The following GGT7 variants were observed in gnomAD, a reference collection of about 807,000 sequenced individuals.
GGT7 encodes gamma-glutamyltransferase 7, also known as glutathione hydrolase 7.
GGT7 carries 30 observed loss-of-function variants against 69.2 expected under a neutral mutation model. The ratio of observed to expected loss-of-function variants is 0.43; its 90% CI spans 0.32 to 0.59. The LOEUF (loss-of-function observed/expected upper bound fraction) is 0.59. Ranked by LOEUF, GGT7 falls within the 20% of genes least tolerant of loss-of-function variation. The pLI, the probability that GGT7 is intolerant of heterozygous loss-of-function variation, is 0.05. For missense variants in GGT7, 733 were observed against 901.1 expected (o/e 0.81, Z 2.39); for synonymous variants, 388 against 391.8 (o/e 0.99, Z 0.12).
At chr20:34,853,159 G>A (rs1378588880) in intron 10 of GGT7, among the ~76,000 whole-genome samples, 1 of 151,988 alleles carries the variant, frequency 6.6e-6, no homozygotes, top group Non-Finnish European at 1.5e-5. Flanking sequence ...TGGCCAGGCC[G>A]GTCTTGAACT....
chr20:34,846,370 T>G (rs2079307651), intron 14 of GGT7, among the ~76,000 whole-genome samples: 1 of 148,746 alleles, frequency 6.7e-6, no homozygotes, highest in Non-Finnish European at 1.5e-5. Flanking sequence ...ATGGCACGAT[T>G]TTGGCTCACC....
intron 10 of GGT7, 25 bp downstream of exon 10, chr20:34,854,506 C>G (rs750140214): frequency 7.0e-7 from 1 of 1,438,254 alleles, no homozygotes; most frequent in Non-Finnish European, 9.8e-7. Context: ...GCCTCTGTAG[C>G]CCCCAGGTCC....
chr20:34,852,612 G>A, intron 10 of GGT7, 74 bp from the exon 11 acceptor site: 1 of 1,392,082 alleles, frequency 7.2e-7, no homozygotes, highest in Non-Finnish European at 9.6e-7. Context: ...CTTTTGTGGT[G>A]TTTGTGTAAT....
chr20:34,845,750 AG>A (rs2146876061), intron 14 of GGT7, among the ~76,000 whole-genome samples: 1 of 152,332 alleles, frequency 6.6e-6, no homozygotes, highest in Non-Finnish European at 1.5e-5. Context: ...AATAATATGC[AG>A]TCATTCTTAA....
chr20:34,854,419 G>A lies in GGT7; in HGVS notation c.1319+112C>T. ...TCACGTTGTGAGTTGGGGTTGAGCT[G>A]AAATTGACTTAGGATTTCAGGCCTT... On this transcript the variant is annotated intron_variant, in intron 10 of 14. Transcript: ENST00000336431. 15 of 654,194 alleles carry A rather than the reference G, an allele frequency of 2.3e-5. No individual in the cohort carries two copies. The South Asian group carries it at 2.8e-4, about 12-fold the overall frequency. 40.5% of individuals were successfully genotyped at this position (654,194 alleles called of 1,614,324 possible).
intron 1 of GGT7, among the ~76,000 whole-genome samples, chr20:34,871,816 T>TGGGCCACAAGGATGAA (rs2079783359): frequency 6.6e-6 from 1 of 152,176 alleles, no homozygotes; most frequent in African/African-American, 2.4e-5. Flanking sequence ...GGATGAAGAA[T>TGGGCCACAAGGATGAA]GGAGGGGAGG....
chr20:34,854,975 C>T (rs754242815), intron 8 of GGT7, 52 bp from the exon 9 acceptor site: 1 of 1,568,258 alleles, frequency 6.4e-7, no homozygotes, highest in Admixed American at 1.7e-5. Context: ...GGCACCTTCA[C>T]ATCCCACATC....
At chr20:34,849,926 G>A in intron 14 of GGT7, 35 bp downstream of exon 14, 1 of 1,322,378 alleles carries the variant, frequency 7.6e-7, no homozygotes. Flanking sequence ...ACCTGTCCCT[G>A]TGCCCGCCCC....
At chr20:34,861,071 C>T (rs117344889) in intron 4 of GGT7, among the ~76,000 whole-genome samples, 1 of 152,180 alleles carries the variant, frequency 6.6e-6, no homozygotes, top group Admixed American at 6.5e-5. Context: ...TTTCAGCAGA[C>T]AGTTGGTTTA....
chr20:34,848,371 A>T (rs1436655854), intron 14 of GGT7, among the ~76,000 whole-genome samples: 2 of 152,160 alleles, frequency 1.3e-5, no homozygotes, highest in African/African-American at 4.8e-5. Flanking sequence ...CCTCCTCCAT[A>T]AAGCCTCCCC....
At position 34,851,297 on chromosome 20, in the gene GGT7, C is replaced by A. The variant is rs1290875759; in HGVS notation, c.1659G>T (p.Gly553=). The A allele has an allele frequency of 1.2e-6, 2 of 1,613,946 alleles. No individual in the cohort carries two copies. Among genetic ancestry groups the A allele is most frequent in the African/African-American group, 1.3e-5 (1 of 75,072 alleles). ...CCAGAGCGAGGTAGGTTCCACAGAG[C>A]CCCTCCGCGGGTCGGACCACTGTGG... ...LLPTVVRPAE[G]LCGTYLALGA... is the part of the protein sequence containing the mutation. Residue 553 remains glycine, a synonymous_variant, in exon 13 of 15, where the codon GGG becomes GGT. Transcript: ENST00000336431.
intron 7 of GGT7, among the ~76,000 whole-genome samples, chr20:34,858,035 G>C (rs1407191614): frequency 6.6e-6 from 1 of 152,154 alleles, no homozygotes; most frequent in Non-Finnish European, 1.5e-5. Context: ...GCCACCTCCA[G>C]GAAAGGGCAC....
intron 10 of GGT7, among the ~76,000 whole-genome samples, chr20:34,853,539 G>A (rs1439527930): frequency 8.2e-5 from 12 of 147,182 alleles, no homozygotes; most frequent in Admixed American, 6.1e-4. Flanking sequence ...TCCAGCCTGG[G>A]CGACAGAGCG....
Position 34,850,050 on chromosome 20 carries a change from T to A in GGT7, c.1736A>T (p.Asn579Ile). ...CAGGTTCCGGTTCAAGGTCAGGACA[T>A]TCAGCAGAACCTGTGGTAGCCAAGG... is the stretch of plus-strand genomic sequence containing the variant. ...GLSGLTQVLL[N>I]VLTLNRNLSD... Residue 579 changes from asparagine to isoleucine, a missense_variant, in exon 14 of 15, where the codon AAT becomes ATT. By Grantham distance (149) the Asn-to-Ile change is moderately radical. Coordinates refer to ENST00000336431, the MANE Select transcript of GGT7 (RefSeq NM_178026.3). 1 of 1,613,260 alleles carries A rather than the reference T, an allele frequency of 6.2e-7. No individual in the cohort carries two copies. Among genetic ancestry groups the A allele is most frequent in the East Asian group, 2.2e-5 (1 of 44,884 alleles).
At position 34,845,268 on chromosome 20, in the gene GGT7, A is replaced by G; in HGVS notation, c.*60T>C. The G allele has an allele frequency of 2.7e-6, 4 of 1,509,390 alleles. No individual in the cohort carries two copies. The highest frequency in any genetic ancestry group is 3.6e-6 in the Non-Finnish European group (4 of 1,110,890). 93.5% of individuals were successfully genotyped at this position (1,509,390 alleles called of 1,614,324 possible). On this transcript the variant is annotated 3_prime_UTR_variant, in exon 15 of 15. Transcript: ENST00000336431. ...TCCCCCTGAGACCAAACCTGGGAGAAGGAGGGACTCTGGGAACATGCAAAG... is the reference window on the plus strand; with the variant it reads ...TCCCCCTGAGACCAAACCTGGGAGAGGGAGGGACTCTGGGAACATGCAAAG...
At position 34,845,466 on chromosome 20, in the gene GGT7, C is replaced by T. The variant is rs1290873794; in HGVS notation, c.1851G>A (p.Glu617=). ...VDSEFTEEEI[E]FLEARGHHVE... The stretch of plus-strand genomic sequence containing the variant: ...CGTGGTGACCCCTGGCTTCCAGGAA[C>T]TCAATCTCTTCCTCTGTGAACTCAC... Residue 617 remains glutamate (E), a synonymous_variant, in exon 15 of 15, where the codon GAG becomes GAA. Coordinates refer to ENST00000336431, the MANE Select transcript of GGT7 (RefSeq NM_178026.3). The T allele has an allele frequency of 1.9e-6, 3 of 1,614,080 alleles. No homozygotes were observed. The Admixed American group carries it at 5.0e-5, about 27-fold the overall frequency.
intron 4 of GGT7, 48 bp from the exon 5 acceptor site, chr20:34,860,369 AG>A (rs1221867915): frequency 4.2e-6 from 6 of 1,436,302 alleles, no homozygotes; most frequent in African/African-American, 2.8e-5. Context: ...GGTCACTGGA[AG>A]GGGGGTGCTG....
At chr20:34,858,629 T>C (rs889949910) in intron 7 of GGT7, among the ~76,000 whole-genome samples, 2 of 152,224 alleles carry the variant, frequency 1.3e-5, no homozygotes, top group African/African-American at 4.8e-5. Flanking sequence ...TCACATCTGT[T>C]ACTGCCTGAG....
In GGT7 at chr20:34,863,529, C is replaced by T; in HGVS notation, c.189G>A (p.Lys63=). The T allele has an allele frequency of 6.3e-7, 1 of 1,587,764 alleles. No homozygotes were observed. The highest frequency in any genetic ancestry group is 8.6e-7 in the Non-Finnish European group (1 of 1,166,932). The stretch of plus-strand genomic sequence containing the variant: ...ATGGCAGCCGCTGCAGCCGTGCAGA[C>T]TTCAGGAAGGAGTCCGGGTCTGCGG... ...DPDTDPDSFL[K]SARLQRLPSS... Residue 63 remains lysine, a synonymous_variant, in exon 2 of 15, where the codon AAG becomes AAA. Transcript: ENST00000336431. This position sits in a 1 kb window ranked among gnomAD's most constrained non-coding sequence, Gnocchi z 4.4.
Sources: allele counts gnomAD v4.1 joint callset (sites outside exome capture counted in the v4.1 genomes callset), GRCh38; gene constraint gnomAD v4.1.1; non-coding constraint Gnocchi (gnomAD v3.1); transcripts MANE v1.5; gene names NCBI Gene and HGNC (gene_info 2026-07-23, HGNC 2026-07-21).